The following APOBEC3H variants were observed in gnomAD, a reference collection of about 807,000 sequenced individuals.
The protein encoded by APOBEC3H is apolipoprotein B mRNA editing enzyme catalytic subunit 3H.
APOBEC3H carries 8 observed loss-of-function variants against 21.2 expected under a neutral mutation model. The observed-to-expected ratio is 0.38, with a 90% CI of 0.22 to 0.68. APOBEC3H has a LOEUF of 0.68. Among genes scored for constraint, APOBEC3H ranks in the 30% least tolerant of loss-of-function variants. The pLI, the probability that APOBEC3H is intolerant of heterozygous loss-of-function variation, is 0.52. For missense variants in APOBEC3H, 229 were observed against 228.1 expected (o/e 1.00, Z -0.03); for synonymous variants, 88 against 91.0 (o/e 0.97, Z 0.19).
At chr22:39,101,534 T>G (rs1253063616) in intron 3 of APOBEC3H, 30 bp downstream of exon 3, 1 of 1,452,112 alleles carries the variant, frequency 6.9e-7, no homozygotes, top group Non-Finnish European at 9.2e-7. Context: ...GTTATAAGAG[T>G]GCAAACCCCC....
At position 39,100,267 on chromosome 22, in the gene APOBEC3H, C is replaced by T. The variant is rs764738270; in HGVS notation, c.-7-5C>T. ...ATCTTTGGTTTTCCCCTTTCTGTTG[C>T]ACAGAAACACGATGGCTCTGTTAAC... On this transcript the variant is annotated splice_region_variant and splice_polypyrimidine_tract_variant and intron_variant, in intron 1 of 4. Coordinates refer to ENST00000442487, the MANE Select transcript of APOBEC3H (RefSeq NM_181773.5). 2.5e-6 allele frequency: 4 copies of T among 1,608,366 alleles called. No individual in the cohort carries two copies. Among genetic ancestry groups the T allele is most frequent in the African/African-American group, 1.3e-5 (1 of 74,880 alleles).
chr22:39,100,172 C>CA, intron 1 of APOBEC3H, 100 bp from the exon 2 acceptor site: 8 of 1,372,992 alleles, frequency 5.8e-6, no homozygotes, highest in Non-Finnish European at 8.0e-6. Flanking sequence ...GACTCTGTCT[C>CA]AAAAAACAAA....
Position 39,103,826 on chromosome 22 carries a change from T to A in APOBEC3H, c.*129T>A. On this transcript the variant is annotated 3_prime_UTR_variant, in exon 5 of 5. Coordinates refer to ENST00000442487, the MANE Select transcript of APOBEC3H (RefSeq NM_181773.5). ...GTTGCCTCATAGCCTGCTGGTCCTGTAAGCAAGCACTAAGCTCCACAGTGC... is the reference window on the plus strand; with the variant it reads ...GTTGCCTCATAGCCTGCTGGTCCTGAAAGCAAGCACTAAGCTCCACAGTGC... 2.4e-6 allele frequency: 3 copies of A among 1,226,458 alleles called. No individual in the cohort carries two copies. Among genetic ancestry groups the A allele is most frequent in the Non-Finnish European group, 3.6e-6 (3 of 828,104 alleles). The allele number at this position is 1,226,458 out of a possible 1,614,324, so 76.0% of individuals were successfully genotyped here.
rs1929313668 is a variant in APOBEC3H at position 39,101,344 on chromosome 22, C to T, written c.258C>T (p.Ser86=). ...GTTACCTCACGTGGAGCCCCTGCTC[C>T]TCCTGTGCCTGGGAGCTGGTTGACT... ...VTCYLTWSPC[S]SCAWELVDFI... is the part of the protein sequence containing the mutation. The change falls in exon 3 of 5, where the codon TCC becomes TCT. Residue 86 remains serine, a synonymous_variant. Coordinates refer to ENST00000442487, the MANE Select transcript of APOBEC3H (RefSeq NM_181773.5). 6.2e-7 allele frequency: 1 copy of T among 1,613,326 alleles called. No individual in the cohort carries two copies. The highest frequency in any genetic ancestry group is 8.5e-7 in the Non-Finnish European group (1 of 1,179,864).
chr22:39,101,811 GAGCA>G lies in APOBEC3H; in HGVS notation c.419-105_419-102del, dbSNP rs538996485. ...CCCGGGAGGGAGAATTCCCCAGACA[GAGCA>G]ATGTCCAGGGAGAGGAAGAGAAGAG... On this transcript the variant is annotated intron_variant, in intron 3 of 4. Transcript: ENST00000442487. 65 of 1,540,822 alleles carry G rather than the reference GAGCA, an allele frequency of 4.2e-5. No homozygotes were observed. The East Asian group carries it at 1.1e-3, about 27-fold the overall frequency.
At chr22:39,100,669 G>A (rs537488289) in intron 2 of APOBEC3H, 2 of 518,060 alleles carry the variant, frequency 3.9e-6, no homozygotes, top group African/African-American at 1.9e-5. Flanking sequence ...CCCTTCTGTA[G>A]AATGCTCCTT....
intron 4 of APOBEC3H, among the ~76,000 whole-genome samples, chr22:39,103,185 G>A (rs1929471499): frequency 6.6e-6 from 1 of 150,980 alleles, no homozygotes; most frequent in Admixed American, 6.6e-5. Context: ...CCATTCGGGA[G>A]GGTGAATGGG....
intron 2 of APOBEC3H, among the ~76,000 whole-genome samples, chr22:39,101,010 G>A (rs1929283477): frequency 2.0e-5 from 3 of 152,244 alleles, no homozygotes; most frequent in African/African-American, 7.2e-5. Flanking sequence ...GGAAGTCCTG[G>A]GACAGATGAA....
At chr22:39,100,532 T>C (rs1418195686) in intron 2 of APOBEC3H, 104 bp downstream of exon 2, 2 of 1,442,796 alleles carry the variant, frequency 1.4e-6, no homozygotes, top group Non-Finnish European at 9.3e-7. Context: ...CAATTTTTGA[T>C]GTAACACCCT....
At chr22:39,097,859 T>G (rs115143173) in intron 1 of APOBEC3H, among the ~76,000 whole-genome samples, 75 of 152,348 alleles carry the variant, frequency 4.9e-4, no homozygotes, top group African/African-American at 1.6e-3. Context: ...CAGAGGAGGA[T>G]GCAGATGACC....
At chr22:39,102,962 C>CAAAAAAA (rs58524849) in intron 4 of APOBEC3H, among the ~76,000 whole-genome samples, 1 of 94,076 alleles carries the variant, frequency 1.1e-5, no homozygotes, top group Non-Finnish European at 2.2e-5. Flanking sequence ...GACTCTGTCC[C>CAAAAAAA]AAAAAAAAAA....
intron 4 of APOBEC3H, 98 bp downstream of exon 4, chr22:39,102,140 T>TTTTTC (rs950742841): frequency 3.4e-5 from 50 of 1,476,234 alleles, no homozygotes; most frequent in Middle Eastern, 1.9e-4. Context: ...CCCCTACCTT[T>TTTTTC]TTTTCTTTTC....
Position 39,103,828 on chromosome 22 carries a change from A to G in APOBEC3H, c.*131A>G. 8.4e-7 allele frequency: 1 copy of G among 1,187,756 alleles called. No individual in the cohort carries two copies. The highest frequency in any genetic ancestry group is 1.3e-6 in the Non-Finnish European group (1 of 792,846). The allele number at this position is 1,187,756 out of a possible 1,614,324, so 73.6% of individuals were successfully genotyped here. On this transcript the variant is annotated 3_prime_UTR_variant, in exon 5 of 5. Transcript: ENST00000442487. ...TGCCTCATAGCCTGCTGGTCCTGTA[A>G]GCAAGCACTAAGCTCCACAGTGCCA...
At position 39,100,331 on chromosome 22, in the gene APOBEC3H, G is replaced by A. The variant is rs139293; in HGVS notation, c.53G>A (p.Arg18His). 390 of 1,613,566 alleles carry A rather than the reference G, an allele frequency of 2.4e-4. No individual in the cohort carries two copies. The highest frequency in any genetic ancestry group is 7.0e-4 in the Admixed American group (42 of 59,960). Residue 18 changes from arginine to histidine, a missense_variant, in exon 2 of 5, where the codon CGC becomes CAC. Coordinates refer to ENST00000442487, the MANE Select transcript of APOBEC3H (RefSeq NM_181773.5). ...CGCTTACAGTTTAACAACAAGCGCC[G>A]CCTCAGAAGGCCTTACTACCCGAGG... Reference protein sequence around the residue: ...TFRLQFNNKRRLRRPYYPRKA... With the variant: ...TFRLQFNNKRHLRRPYYPRKA...
At chr22:39,101,145 T>TC in intron 2 of APOBEC3H, 92 bp from the exon 3 acceptor site, 35 of 48,862 alleles carry the variant, frequency 7.2e-4, no homozygotes, top group South Asian at 2.3e-3. Context: ...TGCCCCCCCA[T>TC]CCCCGCCCCC....
intron 2 of APOBEC3H, 101 bp from the exon 3 acceptor site, chr22:39,101,136 G>GCCACCCCCCCCC: frequency 2.6e-6 from 1 of 378,522 alleles, no homozygotes; most frequent in Non-Finnish European, 5.0e-6. Context: ...AGACCCCTCT[G>GCCACCCCCCCCC]CCCCCCCATC....
At chr22:39,099,457 G>A (rs540521627) in intron 1 of APOBEC3H, among the ~76,000 whole-genome samples, 1 of 152,322 alleles carries the variant, frequency 6.6e-6, no homozygotes, top group Admixed American at 6.5e-5. Flanking sequence ...CAAGGGGAAG[G>A]GTTCTGGTAT....
At chr22:39,101,828 A>G in intron 3 of APOBEC3H, 90 bp from the exon 4 acceptor site, 1 of 1,586,176 alleles carries the variant, frequency 6.3e-7, no homozygotes, top group South Asian at 1.1e-5. Flanking sequence ...GTCCAGGGAG[A>G]GGAAGAGAAG....
intron 2 of APOBEC3H, among the ~76,000 whole-genome samples, chr22:39,100,891 C>G (rs1929276547): frequency 6.6e-6 from 1 of 151,864 alleles, no homozygotes; most frequent in African/African-American, 2.4e-5. Flanking sequence ...GACACAGCCT[C>G]CTAGGCGGGT....
Sources: allele counts gnomAD v4.1 joint callset (sites outside exome capture counted in the v4.1 genomes callset), GRCh38; gene constraint gnomAD v4.1.1; transcripts MANE v1.5; gene names NCBI Gene and HGNC (gene_info 2026-07-23, HGNC 2026-07-21).